Variants in UQCC1 observed in about 807,000 individuals in gnomAD.
UQCC1 encodes the protein ubiquinol-cytochrome c reductase complex assembly factor 1.
UQCC1 carries 38 observed loss-of-function variants against 48.0 expected under a neutral mutation model. The ratio of observed to expected loss-of-function variants is 0.79; its 90% CI spans 0.61 to 1.04. UQCC1 has a LOEUF of 1.04. UQCC1 is among the 50% of genes least tolerant of loss of function. The pLI, the probability that UQCC1 is intolerant of heterozygous loss-of-function variation, is 0.00. For synonymous variants in UQCC1, 111 were observed against 129.2 expected, an observed-to-expected ratio of 0.86 and a Z score of 0.95; for missense variants, 368 against 381.8, an observed-to-expected ratio of 0.96 and a Z score of 0.30.
In UQCC1 at chr20:35,396,555, T is replaced by A. The variant is rs186322724; in HGVS notation, c.25-2359A>T. 2.3e-3 allele frequency among the ~76,000 whole-genome samples: 349 copies of A among 152,250 alleles called. 1 individual carries two copies. The highest frequency in any genetic ancestry group is 7.8e-3 in the African/African-American group (323 of 41,554). ...ATAGTAAGCAATGCTGAGATCATCA[T>A]CATCCCCAAAAGGAGGAGGAAACTA... On this transcript the variant is annotated intron_variant, in intron 1 of 9. Coordinates refer to ENST00000374385, the MANE Select transcript of UQCC1 (RefSeq NM_018244.5).
intron 7 of UQCC1, among the ~76,000 whole-genome samples, chr20:35,335,640 G>C (rs2061307486): frequency 6.6e-6 from 1 of 152,160 alleles, no homozygotes; most frequent in Non-Finnish European, 1.5e-5. Flanking sequence ...GAAACAGAAT[G>C]TAGAATAGTG....
At chr20:35,343,888 A>G (rs1471717755) in intron 7 of UQCC1, among the ~76,000 whole-genome samples, 3 of 152,334 alleles carry the variant, frequency 2.0e-5, no homozygotes, top group Middle Eastern at 6.8e-3. Context: ...CAGGTGAACC[A>G]TAGGCACATT....
At chr20:35,390,145 G>T (rs1184464460) in intron 2 of UQCC1, among the ~76,000 whole-genome samples, 1 of 152,106 alleles carries the variant, frequency 6.6e-6, no homozygotes, top group Non-Finnish European at 1.5e-5. Flanking sequence ...CAGAAACAAG[G>T]CCAGGGTGAT....
At chr20:35,383,392 C>A (rs2061899830) in intron 3 of UQCC1, among the ~76,000 whole-genome samples, 1 of 152,134 alleles carries the variant, frequency 6.6e-6, no homozygotes, top group African/African-American at 2.4e-5. Flanking sequence ...TAGGACATAG[C>A]CTCAGAAGGC....
intron 6 of UQCC1, among the ~76,000 whole-genome samples, chr20:35,358,469 T>C (rs961432869): frequency 6.6e-6 from 1 of 150,832 alleles, no homozygotes; most frequent in African/African-American, 2.4e-5. Context: ...AAGATTCCTA[T>C]ATTAATTAAC....
At chr20:35,394,778 C>G (rs901515351) in intron 1 of UQCC1, among the ~76,000 whole-genome samples, 2 of 152,170 alleles carry the variant, frequency 1.3e-5, no homozygotes, top group Non-Finnish European at 2.9e-5. Context: ...AATTCTTAAA[C>G]TAACTGCCTG....
rs970432142 is a variant in UQCC1, at chr20:35,303,031, C to G, written c.*904G>C. 6.6e-6 allele frequency: 1 copy of G among 152,202 alleles called. No homozygotes were observed. Among genetic ancestry groups the G allele is most frequent in the Non-Finnish European group, 1.5e-5 (1 of 68,074 alleles). 9.4% of individuals were successfully genotyped at this position (152,202 alleles called of 1,614,324 possible). A position where few individuals can be genotyped will look rare whatever the true frequency, so the allele number is the denominator to read the frequency against. On this transcript the variant is annotated 3_prime_UTR_variant, in exon 10 of 10. Transcript: ENST00000374385. ...CAAGGTGGCTCTGCAGCACGTGCTT[C>G]AGAAGTTGGGAAGGGGGACCAAAGC...
At chr20:35,374,302 T>C (rs750950467) in intron 4 of UQCC1, 46 bp from the exon 5 acceptor site, 38 of 1,434,826 alleles carry the variant, frequency 2.6e-5, no homozygotes, top group Admixed American at 1.3e-4. Flanking sequence ...ACCAAGTGGA[T>C]GTTCTACTTC....
At chr20:35,322,708 G>A (rs1411440560) in intron 7 of UQCC1, among the ~76,000 whole-genome samples, 1 of 151,946 alleles carries the variant, frequency 6.6e-6, no homozygotes, top group Non-Finnish European at 1.5e-5. Flanking sequence ...ACTCCAGCCT[G>A]GCAACTGAGC....
chr20:35,338,294 T>C (rs2061335641), intron 7 of UQCC1, among the ~76,000 whole-genome samples: 1 of 152,138 alleles, frequency 6.6e-6, no homozygotes, highest in Admixed American at 6.5e-5. Context: ...GGAATGCCTT[T>C]AGATTCAAGA....
At chr20:35,368,065 AAAGAG>A (rs1289306765) in intron 5 of UQCC1, among the ~76,000 whole-genome samples, 2 of 152,308 alleles carry the variant, frequency 1.3e-5, no homozygotes, top group East Asian at 1.9e-4. Flanking sequence ...GAAGATGCAA[AAAGAG>A]AATAAGTGGG....
At chr20:35,378,623 C>T (rs371398664) in intron 4 of UQCC1, among the ~76,000 whole-genome samples, 2 of 152,036 alleles carry the variant, frequency 1.3e-5, no homozygotes, top group African/African-American at 4.8e-5. Flanking sequence ...GAGCGAGACT[C>T]CAACTCAAAA....
At chr20:35,391,270 T>C (rs2062011246) in intron 2 of UQCC1, among the ~76,000 whole-genome samples, 1 of 151,294 alleles carries the variant, frequency 6.6e-6, no homozygotes, top group South Asian at 2.1e-4. Flanking sequence ...TTGAGAAACA[T>C]TCTACAAATA....
At chr20:35,392,037 T>C (rs1320629087) in intron 2 of UQCC1, among the ~76,000 whole-genome samples, 1 of 152,216 alleles carries the variant, frequency 6.6e-6, no homozygotes, top group East Asian at 1.9e-4. Flanking sequence ...TACAGATACC[T>C]GATACTACCA....
intron 6 of UQCC1, among the ~76,000 whole-genome samples, chr20:35,358,438 T>TAA (rs11167266): frequency 1.3e-5 from 2 of 148,636 alleles, no homozygotes; most frequent in African/African-American, 2.5e-5. Context: ...AAAATAAACT[T>TAA]AAAAAAATCT....
chr20:35,321,283 TGCGC>T (rs60488465), intron 7 of UQCC1, among the ~76,000 whole-genome samples: 15 of 141,536 alleles, frequency 1.1e-4, no homozygotes, highest in African/African-American at 4.3e-4. Flanking sequence ...TGTGTGTGTG[TGCGC>T]GCGCGCGCGC....
chr20:35,383,906 G>T, intron 3 of UQCC1, 132 bp downstream of exon 3: 2 of 671,958 alleles, frequency 3.0e-6, no homozygotes, highest in Non-Finnish European at 2.5e-6. Context: ...GTGACCTTGG[G>T]CAAGTCACTT....
chr20:35,401,658 C>CTTTT (rs142034321), intron 1 of UQCC1, among the ~76,000 whole-genome samples: 9 of 117,968 alleles, frequency 7.6e-5, no homozygotes, highest in Admixed American at 2.0e-4. Flanking sequence ...TGAAATCCAC[C>CTTTT]TTTTTTTTTT....
At chr20:35,353,159 T>G (rs897898874) in intron 6 of UQCC1, among the ~76,000 whole-genome samples, 3 of 152,040 alleles carry the variant, frequency 2.0e-5, no homozygotes, top group Non-Finnish European at 4.4e-5. Context: ...TTCCAGCACT[T>G]TGGGAGGCCG....
Sources: allele counts gnomAD v4.1 joint callset (sites outside exome capture counted in the v4.1 genomes callset), GRCh38; gene constraint gnomAD v4.1.1; transcripts MANE v1.5; gene names NCBI Gene and HGNC (gene_info 2026-07-23, HGNC 2026-07-21).